The following ABCB4 variants were observed in gnomAD, a reference collection of about 807,000 sequenced individuals.
ABCB4 encodes the protein ATP binding cassette subfamily B member 4.
In ABCB4, 76 loss-of-function variants were observed where a neutral mutation model predicts 145.7. The ratio of observed to expected loss-of-function variants is 0.52; its 90% CI spans 0.43 to 0.63. ABCB4 has a LOEUF of 0.63. Ranked by LOEUF, ABCB4 falls within the 30% of genes least tolerant of loss-of-function variation. The probability of loss-of-function intolerance (pLI) is 0.00; values close to 1 mark genes in which losing one functional copy is unlikely to be tolerated. For synonymous variants in ABCB4, 517 were observed against 566.8 expected, an observed-to-expected ratio of 0.91 and a Z score of 1.25; for missense variants, 1,234 against 1,553.1, an observed-to-expected ratio of 0.79 and a Z score of 3.45.
chr7:87,465,702 C>T (rs1465738063), intron 3 of ABCB4, among the ~76,000 whole-genome samples: 1 of 152,182 alleles, frequency 6.6e-6, no homozygotes, highest in African/African-American at 2.4e-5. Flanking sequence ...TGAGACGAAA[C>T]TTCCAGAGGA....
At chr7:87,377,425 A>T in the ABCB4 span, 2 of 1,609,064 alleles carry the variant, frequency 1.2e-6, no homozygotes, top group Non-Finnish European at 1.7e-6. Context: ...TCCTTTTCTA[A>T]TGGAGTATTT....
chr7:87,426,977 G>A (rs1809876734), intron 15 of ABCB4, 57 bp from the exon 16 acceptor site: 1 of 1,502,182 alleles, frequency 6.7e-7, no homozygotes, highest in African/African-American at 1.5e-5. Flanking sequence ...GTGTGTGTGT[G>A]TGTCTCCAAA....
rs191595222 is a variant in ABCB4 at position 87,457,834 on chromosome 7, C to T, written c.287-3242G>A. Among the ~76,000 whole-genome samples the T allele has an allele frequency of 1.4e-4, 21 of 152,290 alleles. No homozygotes were observed. The East Asian group carries it at 3.7e-3, about 27-fold the overall frequency. ...TAGGGAAACATAGTCTTCATTTTCA[C>T]TTTTGAGTCTCAAAGTAAATCAATG... is the stretch of plus-strand genomic sequence containing the variant. On this transcript the variant is annotated intron_variant, in intron 4 of 27. Coordinates refer to ENST00000649586, the MANE Select transcript of ABCB4 (RefSeq NM_000443.4).
At chr7:87,428,301 C>T (rs1488202363) in intron 15 of ABCB4, among the ~76,000 whole-genome samples, 2 of 152,132 alleles carry the variant, frequency 1.3e-5, no homozygotes, top group Non-Finnish European at 2.9e-5. Context: ...GGTCATTGAG[C>T]TCCAAGCCAA....
In ABCB4 at chr7:87,402,183, C is replaced by T; in HGVS notation, c.3753G>A (p.Lys1251=). 1.2e-6 allele frequency: 2 copies of T among 1,614,098 alleles called. No individual in the cohort carries two copies. Among genetic ancestry groups the T allele is most frequent in the South Asian group, 1.1e-5 (1 of 91,084 alleles). The change falls in exon 28 of 28, where the codon AAG becomes AAA. Residue 1251 remains lysine (K), a synonymous_variant. Coordinates refer to ENST00000649586, the MANE Select transcript of ABCB4 (RefSeq NM_000443.4). Reference sequence around the variant, plus strand: ...GCAGCTGCTGATGCGTGCCATGCTCCTTGACTCTCCCATTCTGAAACACCA... The same window carrying T: ...GCAGCTGCTGATGCGTGCCATGCTCTTTGACTCTCCCATTCTGAAACACCA... ...LIVVFQNGRV[K]EHGTHQQLLA...
chr7:87,455,640 A>C lies in ABCB4; in HGVS notation c.287-1048T>G, dbSNP rs1227601573. On this transcript the variant is annotated intron_variant, in intron 4 of 27. Transcript: ENST00000649586. ...TTTTTTAGAAAAGACAAATGAAAAA[A>C]TAAGAAACAGCCTACATCTACTGCA... 1.3e-5 allele frequency among the ~76,000 whole-genome samples: 2 copies of C among 152,346 alleles called. 1 individual carries two copies. The highest frequency in any genetic ancestry group is 3.9e-4 in the East Asian group (2 of 5,188).
At chr7:87,422,677 C>A (rs1384215353) in intron 17 of ABCB4, among the ~76,000 whole-genome samples, 2 of 152,192 alleles carry the variant, frequency 1.3e-5, no homozygotes, top group Admixed American at 1.3e-4. Context: ...TGACTCCTCC[C>A]TGTCCCAGCC....
chr7:87,437,366 C>T (rs1435126624), intron 14 of ABCB4, among the ~76,000 whole-genome samples: 2 of 152,224 alleles, frequency 1.3e-5, no homozygotes, highest in Admixed American at 1.3e-4. Context: ...CCACCATGGA[C>T]CATTTTAATG....
rs770958334 is a variant in ABCB4 at position 87,417,500 on chromosome 7, A to C, written c.2494T>G (p.Leu832Val). 5 of 1,614,018 alleles carry C rather than the reference A, an allele frequency of 3.1e-6. No individual in the cohort carries two copies. Among genetic ancestry groups the C allele is most frequent in the Non-Finnish European group, 4.2e-6 (5 of 1,180,004 alleles). ...GCTATATTCTGTGCAATTAAAGCCA[A>C]CCTGGTTCCTGTGGCCTGGGAGAGA... ...AQVQGATGTR[L>V]ALIAQNIANL... Residue 832 changes from leucine to valine, a missense_variant, in exon 21 of 28, where the codon TTG (leucine) becomes GTG (valine). By Grantham distance (32) the Leu-to-Val change is conservative. Coordinates refer to ENST00000649586, the MANE Select transcript of ABCB4 (RefSeq NM_000443.4).
chr7:87,459,720 G>A (rs970033438), intron 4 of ABCB4, among the ~76,000 whole-genome samples: 4 of 152,072 alleles, frequency 2.6e-5, no homozygotes, highest in Non-Finnish European at 5.9e-5. Flanking sequence ...GTAATCATCA[G>A]TTTCTCTACA....
chr7:87,445,055 T>C (rs1584751154), intron 9 of ABCB4, 80 bp from the exon 10 acceptor site: 1 of 928,590 alleles, frequency 1.1e-6, no homozygotes, highest in Non-Finnish European at 1.7e-6. Context: ...ATATGTAACA[T>C]AGTACATAAA....
intron 14 of ABCB4, among the ~76,000 whole-genome samples, chr7:87,437,687 T>C (rs1810701513): frequency 6.6e-6 from 1 of 152,156 alleles, no homozygotes; most frequent in Non-Finnish European, 1.5e-5. Flanking sequence ...CTTCCCCTAT[T>C]ACTTCAGAGA....
chr7:87,440,271 A>G lies in ABCB4; in HGVS notation c.1488T>C (p.Asn496=). The part of the protein sequence containing the change: ...IAENICYGRG[N]VTMDEIKKAV... ...CTTTCTTTATCTCATCCATGGTTACATTTCCACGGCCATAACAAATATTTT... is the reference window on the plus strand; with the variant it reads ...CTTTCTTTATCTCATCCATGGTTACGTTTCCACGGCCATAACAAATATTTT... The change falls in exon 13 of 28, where the codon AAT becomes AAC. Residue 496 remains asparagine, a synonymous_variant. Coordinates refer to ENST00000649586, the MANE Select transcript of ABCB4 (RefSeq NM_000443.4). 6.2e-7 allele frequency: 1 copy of G among 1,614,140 alleles called. No homozygotes were observed. The highest frequency in any genetic ancestry group is 1.1e-5 in the South Asian group (1 of 91,076).
chr7:87,373,068 G>A, the ABCB4 span, among the ~76,000 whole-genome samples: 1 of 152,064 alleles, frequency 6.6e-6, no homozygotes, highest in African/African-American at 2.4e-5. Flanking sequence ...TTTCCAAAAT[G>A]GCGCAGTATA....
At chr7:87,435,389 A>G (rs1223015639) in intron 14 of ABCB4, among the ~76,000 whole-genome samples, 1 of 152,208 alleles carries the variant, frequency 6.6e-6, no homozygotes, top group African/African-American at 2.4e-5. Context: ...CTGCCTCCTC[A>G]TATCTGGGCA....
intron 3 of ABCB4, among the ~76,000 whole-genome samples, chr7:87,466,772 A>G (rs937306074): frequency 4.6e-5 from 7 of 152,240 alleles, no homozygotes; most frequent in South Asian, 2.1e-4. Flanking sequence ...AGAATTTTCA[A>G]CCCAGAATTT....
chr7:87,435,071 A>G (rs1488327978), intron 14 of ABCB4, among the ~76,000 whole-genome samples: 2 of 152,240 alleles, frequency 1.3e-5, no homozygotes, highest in African/African-American at 4.8e-5. Flanking sequence ...TAATAGTGAT[A>G]CATCCTTATG....
chr7:87,379,677 T>C, the ABCB4 span, among the ~76,000 whole-genome samples: 1 of 152,236 alleles, frequency 6.6e-6, no homozygotes, highest in Non-Finnish European at 1.5e-5. Context: ...TTTATGTGTG[T>C]GCATTAACAT....
rs533227547 is a variant in ABCB4, at chr7:87,462,459, T to C, written c.286+299A>G. Among the ~76,000 whole-genome samples, 19 of 152,358 alleles carry C rather than the reference T, an allele frequency of 1.2e-4. No homozygotes were observed. In the South Asian group the frequency reaches 3.1e-3, roughly 25 times the overall value. ...TAATGGGATGGATACTGCATAGAGATACTCTCATTACATTTCCACTGTTCT... is the reference window on the plus strand; with the variant it reads ...TAATGGGATGGATACTGCATAGAGACACTCTCATTACATTTCCACTGTTCT... On this transcript the variant is annotated intron_variant, in intron 4 of 27. Coordinates refer to ENST00000649586, the MANE Select transcript of ABCB4 (RefSeq NM_000443.4).
Sources: allele counts gnomAD v4.1 joint callset (sites outside exome capture counted in the v4.1 genomes callset), GRCh38; gene constraint gnomAD v4.1.1; transcripts MANE v1.5; gene names NCBI Gene and HGNC (gene_info 2026-07-23, HGNC 2026-07-21).